The following CSMD1 variants were observed in gnomAD, a reference collection of about 807,000 sequenced individuals.
CSMD1 encodes the protein CUB and Sushi multiple domains 1.
CSMD1 carries 213 observed loss-of-function variants against 417.5 expected under a neutral mutation model. That is an observed-to-expected ratio of 0.51 (90% confidence interval 0.46 to 0.57). The LOEUF is 0.57. Ranked by LOEUF, CSMD1 falls within the 20% of genes least tolerant of loss-of-function variation. The pLI is 0.00. For synonymous variants in CSMD1, 2,862 were observed against 1,736.8 expected (o/e 1.65, Z -16.11); for missense variants, 6,923 against 4,529.7 (o/e 1.53, Z -15.17).
intron 10 of CSMD1, among the ~76,000 whole-genome samples, chr8:3,537,674 T>C (rs1362884742): frequency 1.3e-5 from 2 of 152,238 alleles, no homozygotes; most frequent in African/African-American, 4.8e-5. Flanking sequence ...CATATATTCA[T>C]TTACAATACT....
intron 2 of CSMD1, among the ~76,000 whole-genome samples, chr8:4,506,644 T>C (rs1258483691): frequency 2.0e-5 from 3 of 152,160 alleles, no homozygotes; most frequent in East Asian, 1.9e-4. Context: ...TTGTTTTACA[T>C]AAGACCCTAT....
chr8:4,541,074 T>C (rs1433736728), intron 2 of CSMD1, among the ~76,000 whole-genome samples: 2 of 152,202 alleles, frequency 1.3e-5, no homozygotes, highest in African/African-American at 4.8e-5. Flanking sequence ...AAGGACATTT[T>C]TGTGTTTCCC....
intron 5 of CSMD1, among the ~76,000 whole-genome samples, chr8:3,948,911 GACTGGTAC>G (rs1811421142): frequency 6.6e-6 from 1 of 151,630 alleles, no homozygotes; most frequent in Non-Finnish European, 1.5e-5. Context: ...TCAGAACACT[GACTGGTAC>G]AAAAAGCATT....
chr8:4,440,911 C>G (rs1367919601), intron 2 of CSMD1, among the ~76,000 whole-genome samples: 7 of 151,264 alleles, frequency 4.6e-5, no homozygotes, highest in Admixed American at 2.0e-4. Context: ...GCATGAGAAT[C>G]ACTTGAACCC....
At chr8:3,018,400 C>G (rs1489266258) in intron 52 of CSMD1, 77 bp downstream of exon 52, 1 of 1,357,680 alleles carries the variant, frequency 7.4e-7, no homozygotes, top group East Asian at 2.3e-5. Flanking sequence ...AGCAAGAAGT[C>G]ATATGTGTTA....
chr8:3,263,902 T>C (rs1253950867), intron 26 of CSMD1, among the ~76,000 whole-genome samples: 1 of 152,220 alleles, frequency 6.6e-6, no homozygotes, highest in Admixed American at 6.5e-5. Context: ...TTTAAAGTTA[T>C]TTTAAAAACA....
intron 3 of CSMD1, among the ~76,000 whole-genome samples, chr8:4,032,753 A>G (rs746351078): frequency 5.3e-5 from 8 of 152,216 alleles, no homozygotes; most frequent in Admixed American, 1.3e-4. Flanking sequence ...AAGTTTTGAC[A>G]ACAGAAATAC....
At chr8:4,662,865 CG>C (rs1207563204) in intron 1 of CSMD1, among the ~76,000 whole-genome samples, 1 of 151,914 alleles carries the variant, frequency 6.6e-6, no homozygotes, top group African/African-American at 2.4e-5. Flanking sequence ...TGTGGAAACG[CG>C]GGTGACAGTG....
At chr8:3,579,013 C>G (rs1367345203) in intron 9 of CSMD1, among the ~76,000 whole-genome samples, 2 of 152,150 alleles carry the variant, frequency 1.3e-5, no homozygotes, top group African/African-American at 4.8e-5. Context: ...AATATAACAT[C>G]TAATAGAGAG....
At chr8:4,088,346 G>T (rs1800531053) in intron 3 of CSMD1, among the ~76,000 whole-genome samples, 1 of 152,210 alleles carries the variant, frequency 6.6e-6, no homozygotes. Flanking sequence ...TGGCTTTGCA[G>T]CACAGAAGAC....
chr8:3,495,180 C>A (rs759819601), intron 10 of CSMD1, among the ~76,000 whole-genome samples: 1 of 152,128 alleles, frequency 6.6e-6, no homozygotes, highest in East Asian at 1.9e-4. Context: ...GCATGTTAAA[C>A]GTAGCACCTG....
chr8:4,303,800 C>G (rs1443188688), intron 3 of CSMD1, among the ~76,000 whole-genome samples: 1 of 151,992 alleles, frequency 6.6e-6, no homozygotes, highest in African/African-American at 2.4e-5. Context: ...GGACTACAGG[C>G]ACACTCCACT....
intron 10 of CSMD1, among the ~76,000 whole-genome samples, chr8:3,524,636 G>A (rs1465698006): frequency 6.7e-6 from 1 of 148,500 alleles, no homozygotes; most frequent in East Asian, 2.0e-4. Flanking sequence ...CACACCCAGA[G>A]AGACATGTGC....
At chr8:3,051,408 A>G (rs1028638940) in intron 50 of CSMD1, among the ~76,000 whole-genome samples, 1 of 152,194 alleles carries the variant, frequency 6.6e-6, no homozygotes, top group Non-Finnish European at 1.5e-5. Flanking sequence ...CCACACAGAC[A>G]TAAAGAAGGC....
intron 26 of CSMD1, among the ~76,000 whole-genome samples, chr8:3,269,076 A>T (rs939415896): frequency 6.6e-6 from 1 of 152,216 alleles, no homozygotes; most frequent in Admixed American, 6.5e-5. Flanking sequence ...AATCAGAGCT[A>T]AAATCCTGTC....
intron 15 of CSMD1, among the ~76,000 whole-genome samples, chr8:3,400,058 A>G (rs183943476): frequency 9.2e-4 from 140 of 152,332 alleles, no homozygotes; most frequent in African/African-American, 2.6e-3. Flanking sequence ...ATCAAATTTG[A>G]TAAGTGTAGA....
intron 5 of CSMD1, among the ~76,000 whole-genome samples, chr8:3,914,954 A>G (rs1247359099): frequency 6.6e-6 from 1 of 152,188 alleles, no homozygotes; most frequent in Non-Finnish European, 1.5e-5. Context: ...CAACAACAAA[A>G]CAGTATTGCA....
intron 26 of CSMD1, among the ~76,000 whole-genome samples, chr8:3,249,278 G>A (rs1211255198): frequency 6.6e-6 from 1 of 151,968 alleles, no homozygotes; most frequent in Non-Finnish European, 1.5e-5. Flanking sequence ...CTGGAGTGCA[G>A]CGGCGTGATC....
In CSMD1 at chr8:3,423,991, T is replaced by C. The variant is rs1414966361; in HGVS notation, c.1562-14386A>G. 4.6e-5 allele frequency among the ~76,000 whole-genome samples: 7 copies of C among 152,328 alleles called. No individual in the cohort carries two copies. In the South Asian group the frequency reaches 1.2e-3, roughly 27 times the overall value. ...AAAGATTCACAGTACCAGTTTTCTT[T>C]GTTGGTGAAAAAGTGGTCTCTCCAA... On this transcript the variant is annotated intron_variant, in intron 12 of 69. Coordinates refer to ENST00000635120, the MANE Select transcript of CSMD1 (RefSeq NM_033225.6).
Sources: allele counts gnomAD v4.1 joint callset (sites outside exome capture counted in the v4.1 genomes callset), GRCh38; gene constraint gnomAD v4.1.1; transcripts MANE v1.5; gene names NCBI Gene and HGNC (gene_info 2026-07-23, HGNC 2026-07-21).